TES: variants seen among roughly 807,000 people sequenced by gnomAD.
TES encodes the protein testin.
TES carries 41 observed loss-of-function variants against 48.2 expected under a neutral mutation model. The ratio of observed to expected loss-of-function variants is 0.85; its 90% CI spans 0.66 to 1.10. The LOEUF is 1.10. Ranked by LOEUF, TES falls within the 50% of genes least tolerant of loss-of-function variation. The pLI, the probability that TES is intolerant of heterozygous loss-of-function variation, is 0.00. For missense variants in TES, 463 were observed against 515.1 expected (o/e 0.90, Z 0.98); for synonymous variants, 162 against 174.9 (o/e 0.93, Z 0.58).
At chr7:116,256,547 T>G (rs535341453) in intron 6 of TES, among the ~76,000 whole-genome samples, 3 of 152,390 alleles carry the variant, frequency 2.0e-5, no homozygotes, top group Admixed American at 2.0e-4. Flanking sequence ...GGTTATTTAT[T>G]CATTTTCCTC....
intron 6 of TES, among the ~76,000 whole-genome samples, chr7:116,256,382 C>T (rs1800098611): frequency 6.6e-6 from 1 of 152,132 alleles, no homozygotes; most frequent in African/African-American, 2.4e-5. Context: ...ACTGTGATAC[C>T]AGACAGTCTT....
chr7:116,249,312 C>T (rs756881531), intron 3 of TES, 40 bp downstream of exon 3: 1 of 1,611,468 alleles, frequency 6.2e-7, no homozygotes, highest in South Asian at 1.1e-5. Context: ...ATTGAAGTTC[C>T]TGGAGTATTT....
In TES at chr7:116,257,927, T is replaced by C. The variant is rs1439095361; in HGVS notation, c.*445T>C. On this transcript the variant is annotated 3_prime_UTR_variant, in exon 7 of 7. Coordinates refer to ENST00000358204, the MANE Select transcript of TES (RefSeq NM_015641.4). ...GCGCTACGTTTATTGCCTCGTCTTA[T>C]TCACTGACCTTTGTAATGATACACA... The C allele has an allele frequency of 6.4e-6, 1 of 155,514 alleles. No individual in the cohort carries two copies. Among genetic ancestry groups the C allele is most frequent in the Admixed American group, 6.3e-5 (1 of 15,932 alleles). 9.6% of individuals were successfully genotyped at this position (155,514 alleles called of 1,614,324 possible).
chr7:116,233,431 T>A lies in TES; in HGVS notation c.28-1103T>A, dbSNP rs565122572. On this transcript the variant is annotated intron_variant, in intron 1 of 6. Transcript: ENST00000358204. ...TATAGCAAGGGTGATAATACAGCTC[T>A]CCACTCCTTGCCTCCCTACAACTTC... Among the ~76,000 whole-genome samples, 4 of 152,290 alleles carry A rather than the reference T, an allele frequency of 2.6e-5. No homozygotes were observed. In the South Asian group the frequency reaches 8.3e-4, roughly 32 times the overall value.
At chr7:116,244,613 G>A (rs929533595) in intron 2 of TES, among the ~76,000 whole-genome samples, 2 of 152,166 alleles carry the variant, frequency 1.3e-5, no homozygotes, top group Non-Finnish European at 2.9e-5. Context: ...AGCTGTCCTT[G>A]GATCTCCCAT....
chr7:116,245,622 C>G (rs118019795), intron 2 of TES, among the ~76,000 whole-genome samples: 2,253 of 152,306 alleles, frequency 0.015, 20 homozygotes, highest in Non-Finnish European at 0.021. Flanking sequence ...CCAGACTGTT[C>G]TAACCTCTAG....
intron 1 of TES, among the ~76,000 whole-genome samples, chr7:116,224,680 G>T (rs1015770101): frequency 6.6e-6 from 1 of 152,196 alleles, no homozygotes; most frequent in Non-Finnish European, 1.5e-5. Context: ...GGACTTCCAT[G>T]TTAGTGTAGC....
rs1349312133 is a variant in TES, at chr7:116,258,443, G to A, written c.*961G>A. Reference sequence around the variant, plus strand: ...CTTTTTACTTGTATAGATGATTTTTGGCTTGGACATAAAAGCCAAGCCACC... The same window carrying A: ...CTTTTTACTTGTATAGATGATTTTTAGCTTGGACATAAAAGCCAAGCCACC... On this transcript the variant is annotated 3_prime_UTR_variant, in exon 7 of 7. Coordinates refer to ENST00000358204, the MANE Select transcript of TES (RefSeq NM_015641.4). The A allele has an allele frequency of 1.3e-5, 2 of 152,402 alleles. No individual in the cohort carries two copies. Among genetic ancestry groups the A allele is most frequent in the Non-Finnish European group, 2.9e-5 (2 of 67,984 alleles). The allele number at this position is 152,402 out of a possible 1,614,324, so 9.4% of individuals were successfully genotyped here.
chr7:116,216,404 G>A (rs375703747), intron 1 of TES, among the ~76,000 whole-genome samples: 4 of 151,888 alleles, frequency 2.6e-5, no homozygotes, highest in Non-Finnish European at 4.4e-5. Context: ...TGGTAGATCC[G>A]AGTCCACTAT....
intron 2 of TES, among the ~76,000 whole-genome samples, chr7:116,236,096 T>C (rs1799767560): frequency 6.6e-6 from 1 of 152,158 alleles, no homozygotes; most frequent in Non-Finnish European, 1.5e-5. Flanking sequence ...GTCTCTCATG[T>C]TTTAAAAAGG....
rs1800121985 is a variant in TES, at chr7:116,257,630, C to T, written c.*148C>T. 1 of 754,654 alleles carries T rather than the reference C, an allele frequency of 1.3e-6. No homozygotes were observed. The highest frequency in any genetic ancestry group is 3.4e-5 in the East Asian group (1 of 29,786). 46.7% of individuals were successfully genotyped at this position (754,654 alleles called of 1,614,324 possible). A position where few individuals can be genotyped will look rare whatever the true frequency, so the allele number is the denominator to read the frequency against. On this transcript the variant is annotated 3_prime_UTR_variant, in exon 7 of 7. Coordinates refer to ENST00000358204, the MANE Select transcript of TES (RefSeq NM_015641.4). ...TGTTTAATTTTTTTGGCCATTTTTT[C>T]TTCATCAATTTTTTTTCGGTCTCAA...
rs552773325 is a variant in TES at position 116,237,538 on chromosome 7, G to T, written c.113+2919G>T. Among the ~76,000 whole-genome samples, 11 of 151,972 alleles carry T rather than the reference G, an allele frequency of 7.2e-5. No homozygotes were observed. The South Asian group carries it at 2.1e-3, about 29-fold the overall frequency. ...GATACATACTATTCCCTGAAATTTT[G>T]TGCCTTATTGCATGGTGTTCTCTGC... On this transcript the variant is annotated intron_variant, in intron 2 of 6. Coordinates refer to ENST00000358204, the MANE Select transcript of TES (RefSeq NM_015641.4).
At chr7:116,228,448 A>C (rs1799652435) in intron 1 of TES, among the ~76,000 whole-genome samples, 1 of 152,202 alleles carries the variant, frequency 6.6e-6, no homozygotes. Flanking sequence ...TGTTACTAAA[A>C]TTATATGAAG....
At chr7:116,248,945 A>T in intron 2 of TES, 75 bp from the exon 3 acceptor site, 1 of 1,422,942 alleles carries the variant, frequency 7.0e-7, no homozygotes. Context: ...AAAGTATTTT[A>T]TGAACTATAA....
intron 3 of TES, 70 bp downstream of exon 3, chr7:116,249,342 A>C: frequency 6.3e-7 from 1 of 1,574,830 alleles, no homozygotes; most frequent in Admixed American, 1.7e-5. Flanking sequence ...AGTTTCTTTG[A>C]TGACCTAATC....
At chr7:116,252,601 C>G (rs1291870032) in intron 6 of TES, 125 bp downstream of exon 6, 4 of 1,339,964 alleles carry the variant, frequency 3.0e-6, no homozygotes, top group Non-Finnish European at 4.3e-6. Flanking sequence ...CAAATTATTC[C>G]TACCACAGGG....
At chr7:116,212,137 C>G (rs898085909) in intron 1 of TES, among the ~76,000 whole-genome samples, 3 of 152,164 alleles carry the variant, frequency 2.0e-5, no homozygotes, top group Admixed American at 6.5e-5. Flanking sequence ...ATTTAGTTTT[C>G]AAGTAGGTAA....
At chr7:116,234,837 G>C (rs1001816267) in intron 2 of TES, among the ~76,000 whole-genome samples, 1 of 152,180 alleles carries the variant, frequency 6.6e-6, no homozygotes, top group Non-Finnish European at 1.5e-5. Context: ...AGAGTTGTTG[G>C]ATTTGCTTGC....
At chr7:116,234,784 G>C (rs1407406174) in intron 2 of TES, among the ~76,000 whole-genome samples, 165 bp downstream of exon 2, 1 of 152,144 alleles carries the variant, frequency 6.6e-6, no homozygotes, top group Non-Finnish European at 1.5e-5. Context: ...CTGTCTTACT[G>C]TCATTAAGTT....
Sources: gnomAD v4.1 joint callset for allele counts (sites outside exome capture counted in the v4.1 genomes callset) on GRCh38, gnomAD v4.1.1 for gene constraint, MANE v1.5 for transcripts, NCBI Gene and HGNC (gene_info 2026-07-23, HGNC 2026-07-21) for gene names.